The following FANCC variants were observed in gnomAD, a reference collection of about 807,000 sequenced individuals.
FANCC encodes FA complementation group C, also known as Fanconi anemia group C protein.
A neutral mutation model predicts 71.3 loss-of-function variants in FANCC; 55 were observed. The ratio of observed to expected loss-of-function variants is 0.77; its 90% confidence interval spans 0.62 to 0.97. The LOEUF (loss-of-function observed/expected upper bound fraction) is 0.97, where lower values mean the gene tolerates loss of function less well. Ranked by LOEUF, FANCC falls within the 50% of genes least tolerant of loss-of-function variation. The pLI is 0.00. For synonymous variants in FANCC, 275 were observed against 244.9 expected (o/e 1.12, Z -1.15); for missense variants, 678 against 670.9 (o/e 1.01, Z -0.12).
At chr9:95,237,538 G>A (rs1350589545) in intron 4 of FANCC, among the ~76,000 whole-genome samples, 1 of 152,178 alleles carries the variant, frequency 6.6e-6, no homozygotes, top group African/African-American at 2.4e-5. Flanking sequence ...TGTCCAACAC[G>A]GCGGCCGCCT....
intron 12 of FANCC, chr9:95,114,397 G>C (rs963452783): frequency 1.7e-6 from 1 of 584,916 alleles, no homozygotes; most frequent in South Asian, 1.9e-5. Context: ...AAAACATTTC[G>C]ATACAGGTAT....
chr9:95,286,230 T>C (rs1833678853), intron 1 of FANCC, among the ~76,000 whole-genome samples: 1 of 152,346 alleles, frequency 6.6e-6, no homozygotes, highest in East Asian at 1.9e-4. Context: ...ATTTATAAAT[T>C]TCCTATAATA....
chr9:95,250,156 C>A (rs1831240659), intron 1 of FANCC, among the ~76,000 whole-genome samples: 1 of 152,174 alleles, frequency 6.6e-6, no homozygotes, highest in Non-Finnish European at 1.5e-5. Context: ...GCTCCAGCTG[C>A]CCCTCCCATC....
chr9:95,151,749 G>A (rs534450732), intron 6 of FANCC, among the ~76,000 whole-genome samples: 2 of 151,984 alleles, frequency 1.3e-5, no homozygotes, highest in Non-Finnish European at 2.9e-5. Context: ...GTAACATGGA[G>A]AAACCCCAAC....
At chr9:95,237,262 G>A (rs77489033) in intron 4 of FANCC, among the ~76,000 whole-genome samples, 3,444 of 152,210 alleles carry the variant, frequency 0.023, 135 homozygotes, top group African/African-American at 0.078. Context: ...AAGCATGTTT[G>A]GGACTTGCTC....
At chr9:95,186,919 G>T (rs1826763739) in intron 4 of FANCC, among the ~76,000 whole-genome samples, 1 of 151,706 alleles carries the variant, frequency 6.6e-6, no homozygotes, top group South Asian at 2.1e-4. Context: ...AGCCTCCTGA[G>T]TAGCTGGGAT....
intron 1 of FANCC, among the ~76,000 whole-genome samples, chr9:95,280,301 AG>A (rs776352525): frequency 6.6e-6 from 1 of 152,198 alleles, no homozygotes; most frequent in Non-Finnish European, 1.5e-5. Context: ...ACAGAAAGGG[AG>A]AAACAGACAA....
At chr9:95,161,631 T>C (rs1162342704) in intron 6 of FANCC, among the ~76,000 whole-genome samples, 1 of 152,202 alleles carries the variant, frequency 6.6e-6, no homozygotes, top group Non-Finnish European at 1.5e-5. Flanking sequence ...TAAATTGTGG[T>C]GAAAAACACA....
intron 1 of FANCC, among the ~76,000 whole-genome samples, chr9:95,313,121 T>A (rs927956371): frequency 1.3e-5 from 2 of 152,112 alleles, no homozygotes; most frequent in Non-Finnish European, 2.9e-5. Context: ...CAGAAGCACA[T>A]ATGCCAAGGA....
intron 4 of FANCC, among the ~76,000 whole-genome samples, chr9:95,237,240 C>T (rs532011617): frequency 6.6e-6 from 1 of 152,180 alleles, no homozygotes. Context: ...CCCACATATT[C>T]ATCTCAATGT....
At chr9:95,218,840 A>G (rs1346726611) in intron 4 of FANCC, among the ~76,000 whole-genome samples, 1 of 152,208 alleles carries the variant, frequency 6.6e-6, no homozygotes, top group African/African-American at 2.4e-5. Flanking sequence ...AAACAACTAC[A>G]TGCTGATTAA....
chr9:95,116,128 G>A (rs1353593355), intron 11 of FANCC, among the ~76,000 whole-genome samples: 1 of 152,250 alleles, frequency 6.6e-6, no homozygotes, highest in Non-Finnish European at 1.5e-5. Flanking sequence ...CCATGCCCAT[G>A]CACCACCTCA....
rs768508222 is a variant in FANCC at position 95,142,195 on chromosome 9, G to A, written c.687-6693C>T. ...TTTAGTAGAGATGGGATTTTACCAC[G>A]TTGGCCAGGCTGGTCTTAAATTCCT... On this transcript the variant is annotated intron_variant, in intron 7 of 14. Transcript: ENST00000289081. Among the ~76,000 whole-genome samples the A allele has an allele frequency of 3.9e-5, 6 of 151,980 alleles. 1 individual carries two copies. Among genetic ancestry groups the A allele is most frequent in the Middle Eastern group, 6.8e-3 (2 of 294 alleles).
chr9:95,147,517 A>T (rs911001498), intron 7 of FANCC, among the ~76,000 whole-genome samples: 1 of 152,216 alleles, frequency 6.6e-6, no homozygotes, highest in Non-Finnish European at 1.5e-5. Context: ...ACTCTGTCTC[A>T]AAAAAGAAAA....
At chr9:95,286,301 T>TC (rs888713858) in intron 1 of FANCC, among the ~76,000 whole-genome samples, 3 of 152,242 alleles carry the variant, frequency 2.0e-5, no homozygotes. Context: ...AACTGCCTTT[T>TC]CCAAGCCAAC....
rs556494412 is a variant in FANCC, at chr9:95,208,039, T to C, written c.345+32610A>G. On this transcript the variant is annotated intron_variant, in intron 4 of 14. Coordinates refer to ENST00000289081, the MANE Select transcript of FANCC (RefSeq NM_000136.3). ...AGGTAAGAGGTAAGGGACAGGAAAG[T>C]ATTAAACTCTGTAAATGCCTTCTGC... Among the ~76,000 whole-genome samples, 43 of 143,658 alleles carry C rather than the reference T, an allele frequency of 3.0e-4. No homozygotes were observed. In the South Asian group the frequency reaches 8.6e-3, roughly 29 times the overall value. 94.2% of individuals were successfully genotyped at this position (143,658 alleles called of 152,430 possible).
Position 95,111,501 on chromosome 9 carries a change from C to T in FANCC, c.1291G>A (p.Gly431Ser), listed in dbSNP as rs1588047887. 8.1e-6 allele frequency: 13 copies of T among 1,613,834 alleles called. No homozygotes were observed. Among genetic ancestry groups the T allele is most frequent in the East Asian group, 4.5e-5 (2 of 44,864 alleles). Residue 431 changes from glycine to serine, a missense_variant, in exon 13 of 15, where the codon GGC becomes AGC. Transcript: ENST00000289081. ...CTCTGCTGCCTCCCATCACGGGGGC[C>T]GTAGTAGAAGGCCAAGAGCCACAGC... ...ALLWLLAFYY[G>S]PRDGRQQRAQ...
intron 4 of FANCC, among the ~76,000 whole-genome samples, chr9:95,186,783 C>G (rs1826746726): frequency 1.3e-5 from 2 of 148,810 alleles, no homozygotes; most frequent in Admixed American, 1.3e-4. Context: ...TGCGCTCGGA[C>G]TGTTGGATTT....
At chr9:95,265,396 T>C (rs556646857) in intron 1 of FANCC, among the ~76,000 whole-genome samples, 4 of 152,316 alleles carry the variant, frequency 2.6e-5, no homozygotes, top group South Asian at 2.1e-4. Context: ...AGCTATTCTC[T>C]GGACTTGGCT....
Sources: gnomAD v4.1 joint callset for allele counts (sites outside exome capture counted in the v4.1 genomes callset) on GRCh38, gnomAD v4.1.1 for gene constraint, MANE v1.5 for transcripts, NCBI Gene and HGNC (gene_info 2026-07-23, HGNC 2026-07-21) for gene names.